The following ADA variants were observed in gnomAD, a reference collection of about 807,000 sequenced individuals.
ADA encodes the protein adenosine aminohydrolase.
ADA carries 45 observed loss-of-function variants against 49.0 expected under a neutral mutation model. The ratio of observed to expected loss-of-function variants is 0.92; its 90% CI spans 0.72 to 1.18. ADA has a LOEUF of 1.18. ADA is among the 50% of genes most tolerant of loss of function. The probability of loss-of-function intolerance (pLI) is 0.00; values close to 1 mark genes in which losing one functional copy is unlikely to be tolerated. For synonymous variants in ADA, 173 were observed against 184.2 expected (o/e 0.94, Z 0.49); for missense variants, 445 against 472.5 (o/e 0.94, Z 0.54).
chr20:44,625,729 G>T (rs2065376510), intron 4 of ADA, 45 bp from the exon 5 acceptor site: 2 of 1,470,822 alleles, frequency 1.4e-6, no homozygotes, highest in Admixed American at 2.0e-5. Context: ...CAAAAGGAAG[G>T]CCTAAAGGGC....
intron 4 of ADA, 114 bp downstream of exon 4, chr20:44,626,342 G>A (rs2065381930): frequency 6.8e-7 from 1 of 1,467,060 alleles, no homozygotes; most frequent in South Asian, 1.2e-5. Flanking sequence ...CAGACTGGGG[G>A]CAAGAACAAG....
Position 44,624,192 on chromosome 20 carries a change from C to G in ADA, c.606+10G>C. On this transcript the variant is annotated intron_variant, in intron 6 of 11. Transcript: ENST00000372874. ...GGGCCAGCCTCTCCATTCCTTCTCA[C>G]AGGACCCACCTGGTAGGCCTGGACA... is the stretch of plus-strand genomic sequence containing the variant. The G allele has an allele frequency of 6.2e-7, 1 of 1,607,060 alleles. No individual in the cohort carries two copies. The highest frequency in any genetic ancestry group is 8.5e-7 in the Non-Finnish European group (1 of 1,176,412).
At chr20:44,634,959 G>A (rs748157602) in intron 2 of ADA, among the ~76,000 whole-genome samples, 18 of 152,262 alleles carry the variant, frequency 1.2e-4, no homozygotes, top group Non-Finnish European at 1.9e-4. Flanking sequence ...GCAAACATCC[G>A]AGGAACACAG....
At chr20:44,624,137 C>A (rs2065359557) in intron 6 of ADA, 65 bp downstream of exon 6, 1 of 1,552,950 alleles carries the variant, frequency 6.4e-7, no homozygotes, top group African/African-American at 1.4e-5. Flanking sequence ...GTGATTTCTC[C>A]CAACTATGGG....
chr20:44,649,569 G>T lies in ADA; in HGVS notation c.33+2006C>A, dbSNP rs149922853. ...TCTGCCAGCTTGAATCAGATGGGAGGACTGAGCAAGGCCAAAAAATGGGGA... is the reference window on the plus strand; with the variant it reads ...TCTGCCAGCTTGAATCAGATGGGAGTACTGAGCAAGGCCAAAAAATGGGGA... On this transcript the variant is annotated intron_variant, in intron 1 of 11. Transcript: ENST00000372874. Among the ~76,000 whole-genome samples the T allele has an allele frequency of 7.9e-5, 12 of 152,078 alleles. No individual in the cohort carries two copies. In the East Asian group the frequency reaches 2.1e-3, roughly 27 times the overall value.
intron 9 of ADA, 110 bp from the exon 10 acceptor site, chr20:44,621,257 C>T (rs2065329286): frequency 1.5e-6 from 2 of 1,359,034 alleles, no homozygotes; most frequent in Admixed American, 3.7e-5. Context: ...TCAAACAGAT[C>T]TGAAAGATCT....
intron 1 of ADA, 71 bp from the exon 2 acceptor site, chr20:44,636,359 C>T (rs1177773418): frequency 4.7e-6 from 6 of 1,276,192 alleles, no homozygotes; most frequent in East Asian, 2.5e-5. Context: ...TCACGAAGGA[C>T]CTTTCAGAGC....
At chr20:44,638,160 C>T (rs896786111) in intron 1 of ADA, among the ~76,000 whole-genome samples, 4 of 152,196 alleles carry the variant, frequency 2.6e-5, no homozygotes, top group African/African-American at 7.2e-5. Context: ...TCCTGTGCCT[C>T]GGCATCCTCA....
intron 1 of ADA, among the ~76,000 whole-genome samples, chr20:44,649,103 G>A (rs766274614): frequency 3.3e-5 from 5 of 152,026 alleles, no homozygotes; most frequent in African/African-American, 1.2e-4. Flanking sequence ...GCCTCCCTTG[G>A]ACTCAAACCC....
At chr20:44,619,990 A>T in intron 11 of ADA, 143 bp from the exon 12 acceptor site, 2 of 1,189,902 alleles carry the variant, frequency 1.7e-6, no homozygotes, top group Non-Finnish European at 2.4e-6. Flanking sequence ...ATAGGAAGAA[A>T]GGAGCAGAAC....
intron 10 of ADA, chr20:44,620,629 C>G (rs187300129): frequency 3.3e-6 from 2 of 608,754 alleles, no homozygotes; most frequent in East Asian, 5.8e-5. Context: ...TTGGAGAAAC[C>G]TTTGAGAGAC....
At chr20:44,636,941 G>A (rs1028844706) in intron 1 of ADA, among the ~76,000 whole-genome samples, 2 of 152,108 alleles carry the variant, frequency 1.3e-5, no homozygotes, top group African/African-American at 4.8e-5. Context: ...GAGTAGCTGG[G>A]ACTATAGGCA....
intron 2 of ADA, among the ~76,000 whole-genome samples, chr20:44,629,396 CA>C (rs2065412472): frequency 6.6e-6 from 1 of 152,164 alleles, no homozygotes; most frequent in South Asian, 2.1e-4. Context: ...CAGCAAATCT[CA>C]AGGGGGATAA....
intron 1 of ADA, among the ~76,000 whole-genome samples, chr20:44,646,882 A>G (rs2065597437): frequency 6.6e-6 from 1 of 152,038 alleles, no homozygotes; most frequent in South Asian, 2.1e-4. Flanking sequence ...ATCTGGGTTC[A>G]AGTCTAGCTC....
chr20:44,622,000 G>T (rs1036130777), intron 9 of ADA, among the ~76,000 whole-genome samples: 2 of 152,180 alleles, frequency 1.3e-5, no homozygotes. Context: ...GATAAGTGCT[G>T]GCCTGACCAT....
chr20:44,626,338 G>A (rs2065381873), intron 4 of ADA, 118 bp downstream of exon 4: 3 of 1,429,874 alleles, frequency 2.1e-6, no homozygotes, highest in Middle Eastern at 2.4e-4. Flanking sequence ...GGACCAGACT[G>A]GGGGCAAGAA....
chr20:44,630,310 A>G (rs1008543078), intron 2 of ADA, among the ~76,000 whole-genome samples: 4 of 150,778 alleles, frequency 2.7e-5, no homozygotes, highest in African/African-American at 9.8e-5. Context: ...ATGCTACTGC[A>G]CTCCAGCCTG....
chr20:44,625,446 G>A lies in ADA; in HGVS notation c.478+123C>T, dbSNP rs1436476600. The stretch of plus-strand genomic sequence containing the variant: ...TGAAGCCCCAAGTTCATGCCAGTGG[G>A]CTCAAGGGGACACCATGGGGCTGTG... On this transcript the variant is annotated intron_variant, in intron 5 of 11. Transcript: ENST00000372874. 3.4e-6 allele frequency: 3 copies of A among 882,476 alleles called. No individual in the cohort carries two copies. In the East Asian group the frequency reaches 8.0e-5, roughly 23 times the overall value. 54.7% of individuals were successfully genotyped at this position (882,476 alleles called of 1,614,324 possible).
Position 44,620,357 on chromosome 20 carries a change from CT to C in ADA, c.1019del (p.Lys340ArgfsTer?), listed in dbSNP as rs1388462218. 4 of 1,614,114 alleles carry C rather than the reference CT, an allele frequency of 2.5e-6. No homozygotes were observed. The part of the protein sequence containing the change: ...AKSSFLPEDE[K>X]RELLDLLYKA... ...TATAGAGCAGGTCGAGAAGCTCCCT[CT>C]TTTCATCTTCTGGGAGGAAACTAGA... On this transcript the variant is annotated frameshift_variant, in exon 11 of 12. Transcript: ENST00000372874. LOFTEE classifies it high-confidence loss of function.
Sources: allele counts gnomAD v4.1 joint callset (sites outside exome capture counted in the v4.1 genomes callset), GRCh38; gene constraint gnomAD v4.1.1; transcripts MANE v1.5; gene names NCBI Gene and HGNC (gene_info 2026-07-23, HGNC 2026-07-21).